GAB1: variants seen among roughly 807,000 people sequenced by gnomAD.
The protein encoded by GAB1 is GRB2-associated-binding protein 1.
GAB1 carries 19 observed loss-of-function variants against 66.5 expected under a neutral mutation model. The ratio of observed to expected loss-of-function variants is 0.29; its 90% CI spans 0.20 to 0.42. The LOEUF (loss-of-function observed/expected upper bound fraction) is 0.42, where lower values mean the gene tolerates loss of function less well. Among genes scored for constraint, GAB1 ranks in the 10% least tolerant of loss-of-function variants. The probability of loss-of-function intolerance (pLI) is 1.00; values close to 1 mark genes in which losing one functional copy is unlikely to be tolerated. For missense variants in GAB1, 732 were observed against 858.5 expected (o/e 0.85, Z 1.84); for synonymous variants, 294 against 301.4 (o/e 0.98, Z 0.25).
At chr4:143,380,565 G>C (rs1442988024) in intron 1 of GAB1, 2 of 152,068 alleles carry the variant, frequency 1.3e-5, no homozygotes, top group African/African-American at 2.4e-5. Flanking sequence ...AAGAACTTTG[G>C]ACCCTACAAA....
chr4:143,356,754 A>G lies in GAB1; in HGVS notation c.72+19494A>G, dbSNP rs768745076. 5.3e-5 allele frequency among the ~76,000 whole-genome samples: 8 copies of G among 152,280 alleles called. No individual in the cohort carries two copies. The Middle Eastern group carries it at 0.014, about 259-fold the overall frequency. On this transcript the variant is annotated intron_variant, in intron 1 of 9. Coordinates refer to ENST00000262994, the MANE Select transcript of GAB1 (RefSeq NM_002039.4). ...ACATATTTTGAATAACTGTATTTGAATATTTGCCAGCTAAGCTAGGCCATC... is the reference window on the plus strand; with the variant it reads ...ACATATTTTGAATAACTGTATTTGAGTATTTGCCAGCTAAGCTAGGCCATC...
intron 1 of GAB1, among the ~76,000 whole-genome samples, chr4:143,404,951 C>G (rs1731965674): frequency 1.3e-5 from 2 of 152,218 alleles, no homozygotes; most frequent in Admixed American, 6.5e-5. Flanking sequence ...TTGGACAGCA[C>G]TGCTCCAAAA....
intron 1 of GAB1, among the ~76,000 whole-genome samples, chr4:143,414,414 A>G (rs892232821): frequency 2.0e-5 from 3 of 152,180 alleles, no homozygotes; most frequent in Admixed American, 1.3e-4. Flanking sequence ...TAGGTATAGT[A>G]TTAAACTCAA....
rs1202248285 is a variant in GAB1, at chr4:143,474,443, T to C, written c.*5254T>C. ...TGATGGTTAATATTATGTGTCAACT[T>C]GGTGAGGCTATGGCGCCCATGTGTT... On this transcript the variant is annotated 3_prime_UTR_variant, in exon 10 of 10. Coordinates refer to ENST00000262994, the MANE Select transcript of GAB1 (RefSeq NM_002039.4). 7 of 152,302 alleles carry C rather than the reference T, an allele frequency of 4.6e-5. No individual in the cohort carries two copies. The highest frequency in any genetic ancestry group is 2.6e-4 in the Admixed American group (4 of 15,274). 9.4% of individuals were successfully genotyped at this position (152,302 alleles called of 1,614,324 possible). A position where few individuals can be genotyped will look rare whatever the true frequency, so the allele number is the denominator to read the frequency against.
chr4:143,463,285 A>G (rs931323278), intron 8 of GAB1, among the ~76,000 whole-genome samples: 3 of 152,192 alleles, frequency 2.0e-5, no homozygotes, highest in African/African-American at 7.2e-5. Flanking sequence ...GATAATAACA[A>G]CAAAAATATG....
Position 143,336,998 on chromosome 4 carries a change from C to G in GAB1, c.-191C>G. ...CCCCGGCTCGCGTTCTGTTCAGGTT[C>G]GTGGGCCTGCAGAGGAGAGACTCGA... On this transcript the variant is annotated 5_prime_UTR_variant, in exon 1 of 10. Transcript: ENST00000262994. 1 of 569,248 alleles carries G rather than the reference C, an allele frequency of 1.8e-6. No individual in the cohort carries two copies. The highest frequency in any genetic ancestry group is 3.3e-5 in the Admixed American group (1 of 30,524). 35.3% of individuals were successfully genotyped at this position (569,248 alleles called of 1,614,324 possible).
At chr4:143,364,426 C>T (rs911551147) in intron 1 of GAB1, among the ~76,000 whole-genome samples, 2 of 152,144 alleles carry the variant, frequency 1.3e-5, no homozygotes, top group Non-Finnish European at 2.9e-5. Context: ...TTTAATTCCT[C>T]CCTCTTTAGA....
Position 143,383,412 on chromosome 4 carries a change from A to G in GAB1, c.73-32065A>G, listed in dbSNP as rs1730739254. Among the ~76,000 whole-genome samples the G allele has an allele frequency of 1.3e-5, 2 of 152,198 alleles. 1 individual carries two copies. Among genetic ancestry groups the G allele is most frequent in the Admixed American group, 1.3e-4 (2 of 15,278 alleles). The stretch of plus-strand genomic sequence containing the variant: ...ATGAAAGGAGGAAGCTGTGCCTTAA[A>G]TGTCATGTTCTTTATGCTTAGTTCC... On this transcript the variant is annotated intron_variant, in intron 1 of 9. Transcript: ENST00000262994.
chr4:143,428,498 C>G (rs1733482654), intron 2 of GAB1, among the ~76,000 whole-genome samples: 1 of 152,106 alleles, frequency 6.6e-6, no homozygotes, highest in Non-Finnish European at 1.5e-5. Context: ...AAGGAAACCT[C>G]TGGGTGATGG....
intron 1 of GAB1, among the ~76,000 whole-genome samples, chr4:143,339,242 C>G (rs1382688142): frequency 6.6e-6 from 1 of 152,232 alleles, no homozygotes; most frequent in African/African-American, 2.4e-5. Flanking sequence ...CTCTAAAGGT[C>G]CTTCAGGCTC....
At chr4:143,452,373 G>A (rs1436863837) in intron 6 of GAB1, among the ~76,000 whole-genome samples, 2 of 152,164 alleles carry the variant, frequency 1.3e-5, no homozygotes, top group Non-Finnish European at 2.9e-5. Context: ...AGCAAAGGGA[G>A]GGTATGAATC....
Position 143,469,858 on chromosome 4 carries a change from G to T in GAB1, c.*669G>T, listed in dbSNP as rs1187716822. The T allele has an allele frequency of 6.6e-6, 1 of 152,582 alleles. No individual in the cohort carries two copies. The highest frequency in any genetic ancestry group is 1.5e-5 in the Non-Finnish European group (1 of 68,054). 9.5% of individuals were successfully genotyped at this position (152,582 alleles called of 1,614,324 possible). On this transcript the variant is annotated 3_prime_UTR_variant, in exon 10 of 10. Transcript: ENST00000262994. ...GGTTCATTGAGTGAAGATTCTGCCG[G>T]GTGGGATCTTGCACCTTTGAAAGAC... is the stretch of plus-strand genomic sequence containing the variant.
Position 143,438,465 on chromosome 4 carries a change from C to A in GAB1, c.1060C>A (p.Arg354=). 1 of 1,614,038 alleles carries A rather than the reference C, an allele frequency of 6.2e-7. No individual in the cohort carries two copies. The highest frequency in any genetic ancestry group is 8.5e-7 in the Non-Finnish European group (1 of 1,179,992). The change falls in exon 4 of 10, where the codon CGA becomes AGA. Residue 354 remains arginine (R), a synonymous_variant. Coordinates refer to ENST00000262994, the MANE Select transcript of GAB1 (RefSeq NM_002039.4). ...ACCGAAACCACATCCAGCTCATGAC[C>A]GATCTCCTGTGGAAACGTGTAGTAT... The part of the protein sequence containing the change: ...RPPKPHPAHD[R]SPVETCSIPR...
intron 8 of GAB1, among the ~76,000 whole-genome samples, chr4:143,464,916 A>G (rs1217204831): frequency 6.6e-6 from 1 of 152,346 alleles, no homozygotes; most frequent in Admixed American, 6.5e-5. Flanking sequence ...CAACAGAACC[A>G]CCAGATGTAT....
chr4:143,466,927 C>T (rs1735821196), intron 9 of GAB1, among the ~76,000 whole-genome samples: 1 of 152,140 alleles, frequency 6.6e-6, no homozygotes, highest in Admixed American at 6.5e-5. Flanking sequence ...ATTATTACTG[C>T]TCTTATTATA....
intron 1 of GAB1, among the ~76,000 whole-genome samples, chr4:143,382,816 C>T (rs1158185652): frequency 6.6e-6 from 1 of 151,746 alleles, no homozygotes; most frequent in Admixed American, 6.6e-5. Flanking sequence ...GGCCTCAGAC[C>T]CTGTTATGCT....
chr4:143,449,672 G>A (rs1278160768), intron 6 of GAB1, among the ~76,000 whole-genome samples: 1 of 151,918 alleles, frequency 6.6e-6, no homozygotes, highest in Non-Finnish European at 1.5e-5. Flanking sequence ...TTTATTTTGA[G>A]CCTGTGTGTG....
chr4:143,441,376 T>C (rs934609651), intron 6 of GAB1, among the ~76,000 whole-genome samples: 2 of 152,238 alleles, frequency 1.3e-5, no homozygotes, highest in African/African-American at 4.8e-5. Flanking sequence ...TCTCATGTGC[T>C]ATATGTAGCT....
chr4:143,380,224 A>C (rs1730601654), intron 1 of GAB1, among the ~76,000 whole-genome samples: 1 of 151,938 alleles, frequency 6.6e-6, no homozygotes, highest in Non-Finnish European at 1.5e-5. Flanking sequence ...TTCTGTGTAC[A>C]AAAGTCTCAT....
Sources: allele counts gnomAD v4.1 joint callset (sites outside exome capture counted in the v4.1 genomes callset), GRCh38; gene constraint gnomAD v4.1.1; transcripts MANE v1.5; gene names NCBI Gene and HGNC (gene_info 2026-07-23, HGNC 2026-07-21).